Variants in TICRR observed in about 807,000 individuals in gnomAD.
The protein encoded by TICRR is TOPBP1 interacting checkpoint and replication regulator.
A neutral mutation model predicts 178.1 loss-of-function variants in TICRR; 132 were observed. That is an observed-to-expected ratio of 0.74 (90% confidence interval 0.64 to 0.86). TICRR has a LOEUF of 0.86. Among genes scored for constraint, TICRR ranks in the 40% least tolerant of loss-of-function variants. The pLI is 0.00. For synonymous variants in TICRR, 991 were observed against 900.7 expected, an observed-to-expected ratio of 1.10 and a Z score of -1.79; for missense variants, 2,587 against 2,334.3, an observed-to-expected ratio of 1.11 and a Z score of -2.23.
chr15:89,607,514 T>C (rs937079445), intron 14 of TICRR, among the ~76,000 whole-genome samples: 4 of 152,104 alleles, frequency 2.6e-5, no homozygotes, highest in African/African-American at 9.7e-5. Flanking sequence ...TTTCAAAACA[T>C]TGGGAAAATA....
intron 7 of TICRR, 72 bp from the exon 8 acceptor site, chr15:89,599,252 A>C (rs1963052571): frequency 7.8e-7 from 1 of 1,283,478 alleles, no homozygotes; most frequent in Non-Finnish European, 1.1e-6. Flanking sequence ...CCCAGTGGAC[A>C]ACAACTGGCC....
At chr15:89,608,531 G>GAGAC (rs1335347541) in intron 14 of TICRR, among the ~76,000 whole-genome samples, 3 of 152,210 alleles carry the variant, frequency 2.0e-5, no homozygotes, top group African/African-American at 7.2e-5. Context: ...AAATGATGCT[G>GAGAC]AGACAACTGG....
rs752360629 is a variant in TICRR, at chr15:89,594,528, C to G, written c.1655C>G (p.Ala552Gly). 1.2e-6 allele frequency: 2 copies of G among 1,606,888 alleles called. No individual in the cohort carries two copies. Among genetic ancestry groups the G allele is most frequent in the South Asian group, 1.1e-5 (1 of 89,812 alleles). Residue 552 changes from alanine to glycine, a missense_variant, in exon 6 of 22, where the codon GCT becomes GGT. Transcript: ENST00000268138. ...AAATCTCGTGAAGAATCCACTATAG[C>G]TCATCAAGAAGACAGCAAAAAGAAA... The part of the protein sequence containing the change: ...QRKSREESTI[A>G]HQEDSKKKRG...
At chr15:89,597,545 G>T (rs1963018913) in intron 7 of TICRR, among the ~76,000 whole-genome samples, 3 of 149,340 alleles carry the variant, frequency 2.0e-5, no homozygotes, top group South Asian at 4.3e-4. Flanking sequence ...AAAAAAATCC[G>T]TTTACTATAT....
At position 89,576,037 on chromosome 15, in the gene TICRR, G is replaced by A; in HGVS notation, c.451G>A (p.Val151Met). Residue 151 changes from valine (V) to methionine (M), a missense_variant, in exon 1 of 22, where the codon GTG (valine) becomes ATG (methionine). Coordinates refer to ENST00000268138, the MANE Select transcript of TICRR (RefSeq NM_152259.4). ...GGCCGAGGCCGCGCTCGGGGGCTTGGTGAACGCCGTCTTCCTCCTGGCCCC... is the reference window on the plus strand; with the variant it reads ...GGCCGAGGCCGCGCTCGGGGGCTTGATGAACGCCGTCTTCCTCCTGGCCCC... ...KEAEAALGGL[V>M]NAVFLLAPCP... The A allele has an allele frequency of 1.2e-6, 2 of 1,610,432 alleles. No individual in the cohort carries two copies. The highest frequency in any genetic ancestry group is 1.7e-6 in the Non-Finnish European group (2 of 1,179,122).
In TICRR at chr15:89,593,533, G is replaced by A. The variant is rs1298387590; in HGVS notation, c.1542-882G>A. Reference sequence around the variant, plus strand: ...AGCCTGACCAACATGGTGAAACCCCGTCTCTACTAAAAATACAAAAAAATT... The same window carrying A: ...AGCCTGACCAACATGGTGAAACCCCATCTCTACTAAAAATACAAAAAAATT... On this transcript the variant is annotated intron_variant, in intron 5 of 21. Coordinates refer to ENST00000268138, the MANE Select transcript of TICRR (RefSeq NM_152259.4). Among the ~76,000 whole-genome samples the A allele has an allele frequency of 6.6e-5, 10 of 152,162 alleles. No individual in the cohort carries two copies. In the South Asian group the frequency reaches 1.2e-3, roughly 19 times the overall value.
chr15:89,614,373 G>C (rs1963302430), intron 15 of TICRR, among the ~76,000 whole-genome samples: 1 of 150,422 alleles, frequency 6.6e-6, no homozygotes, highest in South Asian at 2.1e-4. Context: ...GGAGTGCAGT[G>C]GTATGATCTT....
chr15:89,602,249 A>G (rs1963110884), intron 12 of TICRR, among the ~76,000 whole-genome samples: 1 of 152,244 alleles, frequency 6.6e-6, no homozygotes, highest in Admixed American at 6.5e-5. Flanking sequence ...TACTAACATC[A>G]GAGTGTGCCT....
chr15:89,598,154 T>TA (rs1963030803), intron 7 of TICRR, among the ~76,000 whole-genome samples: 1 of 123,970 alleles, frequency 8.1e-6, no homozygotes, highest in Admixed American at 7.9e-5. Flanking sequence ...TTGTTTTTTT[T>TA]AGTAGAGATG....
chr15:89,603,595 TAATGAATGAATA>T (rs1281455751), intron 13 of TICRR, among the ~76,000 whole-genome samples: 1 of 152,104 alleles, frequency 6.6e-6, no homozygotes, highest in African/African-American at 2.4e-5. Context: ...TTAAGTGAAT[TAATGAATGAATA>T]AATGAATGAA....
intron 17 of TICRR, among the ~76,000 whole-genome samples, chr15:89,618,566 C>G (rs1963373585): frequency 6.6e-6 from 1 of 152,156 alleles, no homozygotes; most frequent in African/African-American, 2.4e-5. Context: ...AGTGTCTTTT[C>G]TGAGACATTA....
In TICRR at chr15:89,624,295, A is replaced by G; in HGVS notation, c.3985A>G (p.Lys1329Glu). 2 of 1,614,188 alleles carry G rather than the reference A, an allele frequency of 1.2e-6. No individual in the cohort carries two copies. Among genetic ancestry groups the G allele is most frequent in the Non-Finnish European group, 1.7e-6 (2 of 1,180,040 alleles). The change falls in exon 20 of 22, where the codon AAA becomes GAA. Residue 1329 changes from lysine to glutamate, a missense_variant. Physicochemically the swap from Lys to Glu is moderately conservative, Grantham distance 56. Coordinates refer to ENST00000268138, the MANE Select transcript of TICRR (RefSeq NM_152259.4). Reference protein sequence around the residue: ...VSKKSPFRKSKIECPSPGELD... With the variant: ...VSKKSPFRKSEIECPSPGELD... Reference sequence around the variant, plus strand: ...CAAGAAGAGTCCATTTAGGAAATCTAAAATAGAGTGTCCTTCCCCAGGAGA... The same window carrying G: ...CAAGAAGAGTCCATTTAGGAAATCTGAAATAGAGTGTCCTTCCCCAGGAGA...
At position 89,619,774 on chromosome 15, in the gene TICRR, T is replaced by C. The variant is rs1411756002; in HGVS notation, c.3086T>C (p.Phe1029Ser). 14 of 1,613,868 alleles carry C rather than the reference T, an allele frequency of 8.7e-6. No homozygotes were observed. The highest frequency in any genetic ancestry group is 1.1e-5 in the Non-Finnish European group (13 of 1,179,972). ...LSFSRTHSAS[F>S]YSVSQPKSRS... ...TTTAGCAGGACACATTCTGCCTCCTTCTATTCTGTGTCTCAGCCGAAGTCT... is the reference window on the plus strand; with the variant it reads ...TTTAGCAGGACACATTCTGCCTCCTCCTATTCTGTGTCTCAGCCGAAGTCT... Residue 1029 changes from phenylalanine (F) to serine (S), a missense_variant, in exon 18 of 22, where the codon TTC becomes TCC. By Grantham distance (155) the Phe-to-Ser change is radical. Coordinates refer to ENST00000268138, the MANE Select transcript of TICRR (RefSeq NM_152259.4).
At chr15:89,578,509 A>G (rs1272107611) in intron 1 of TICRR, among the ~76,000 whole-genome samples, 2 of 152,186 alleles carry the variant, frequency 1.3e-5, no homozygotes, top group East Asian at 3.8e-4. Flanking sequence ...TATACAACAC[A>G]TTGCTCAGCT....
intron 13 of TICRR, among the ~76,000 whole-genome samples, chr15:89,604,994 T>C (rs1963153602): frequency 6.6e-6 from 1 of 152,196 alleles, no homozygotes; most frequent in African/African-American, 2.4e-5. Flanking sequence ...ATTACATTAA[T>C]GTATATTAAT....
intron 13 of TICRR, among the ~76,000 whole-genome samples, chr15:89,604,008 A>G (rs992422279): frequency 1.3e-5 from 2 of 152,070 alleles, no homozygotes; most frequent in African/African-American, 4.8e-5. Context: ...ATGGCAGTTG[A>G]TATAAGGACT....
intron 14 of TICRR, among the ~76,000 whole-genome samples, chr15:89,607,931 T>A (rs1258141317): frequency 6.6e-6 from 1 of 152,118 alleles, no homozygotes; most frequent in African/African-American, 2.4e-5. Flanking sequence ...AGAATAAAAT[T>A]TAAAATGTCC....
chr15:89,619,323 T>A (rs1963386624), intron 17 of TICRR, among the ~76,000 whole-genome samples: 1 of 145,974 alleles, frequency 6.9e-6, no homozygotes, highest in Non-Finnish European at 1.5e-5. Context: ...CCTCCCAGGT[T>A]CAAGCGATTC....
intron 13 of TICRR, among the ~76,000 whole-genome samples, chr15:89,605,293 C>T (rs1963158060): frequency 6.6e-6 from 1 of 152,198 alleles, no homozygotes; most frequent in Non-Finnish European, 1.5e-5. Flanking sequence ...TTTTCAAAAA[C>T]AAGAGGTGGC....
Sources: gnomAD v4.1 joint callset for allele counts (sites outside exome capture counted in the v4.1 genomes callset) on GRCh38, gnomAD v4.1.1 for gene constraint, MANE v1.5 for transcripts, NCBI Gene and HGNC (gene_info 2026-07-23, HGNC 2026-07-21) for gene names.